KLHDC10: variants seen among roughly 807,000 people sequenced by gnomAD.
KLHDC10 encodes the protein kelch domain-containing protein 10.
KLHDC10 carries 24 observed loss-of-function variants against 56.1 expected under a neutral mutation model. That is an observed-to-expected ratio of 0.43 (90% confidence interval 0.31 to 0.60). The LOEUF is 0.60. KLHDC10 is among the 20% of genes least tolerant of loss of function. The pLI is 0.11. For synonymous variants in KLHDC10, 188 were observed against 207.1 expected (o/e 0.91, Z 0.79); for missense variants, 349 against 567.0 (o/e 0.62, Z 3.91).
At chr7:130,108,629 G>A in intron 2 of KLHDC10, among the ~76,000 whole-genome samples, 1 of 150,760 alleles carries the variant, frequency 6.6e-6, no homozygotes, top group East Asian at 2.0e-4. Context: ...TGCTGAGGTG[G>A]AAGGATCGCT....
intron 2 of KLHDC10, among the ~76,000 whole-genome samples, chr7:130,109,167 A>G (rs13223965): frequency 6.7e-6 from 1 of 150,110 alleles, no homozygotes; most frequent in Non-Finnish European, 1.5e-5. Context: ...TTGGCCTCCC[A>G]CAGTGCTGGG....
chr7:130,129,694 T>C (rs1796370316), intron 9 of KLHDC10, 118 bp downstream of exon 9: 2 of 902,110 alleles, frequency 2.2e-6, no homozygotes, highest in South Asian at 2.1e-5. Flanking sequence ...TAATAACATA[T>C]TTTTAAAACT....
chr7:130,127,387 G>A lies in KLHDC10; in HGVS notation c.932-17G>A, dbSNP rs563649002. 6.2e-7 allele frequency: 1 copy of A among 1,610,482 alleles called. No homozygotes were observed. Among genetic ancestry groups the A allele is most frequent in the African/African-American group, 1.3e-5 (1 of 74,970 alleles). ...TTTCTGTAAGTAATGGAACTTCTGT[G>A]TTTGTGTGTTTGGCAGGCTTTCCTG... On this transcript the variant is annotated splice_polypyrimidine_tract_variant and intron_variant, in intron 7 of 9. Coordinates refer to ENST00000335420, the MANE Select transcript of KLHDC10 (RefSeq NM_014997.4).
Position 130,120,419 on chromosome 7 carries a change from G to T in KLHDC10, c.476-330G>T, listed in dbSNP as rs1433838217. ...TGTATCCCTTATCTGAAATGCTTGG[G>T]ACCAGAAGTGTTTCACATTTCAAAA... On this transcript the variant is annotated intron_variant, in intron 3 of 9. Coordinates refer to ENST00000335420, the MANE Select transcript of KLHDC10 (RefSeq NM_014997.4). This position sits in a 1 kb window ranked among gnomAD's most constrained non-coding sequence, Gnocchi z 5.1. Among the ~76,000 whole-genome samples, 5 of 151,904 alleles carry T rather than the reference G, an allele frequency of 3.3e-5. No homozygotes were observed.
intron 2 of KLHDC10, among the ~76,000 whole-genome samples, chr7:130,103,418 C>CA (rs57094210): frequency 0.27 from 25,329 of 92,476 alleles, 2,858 homozygotes; most frequent in East Asian, 0.37. Context: ...GAGCAAGACT[C>CA]AAAAAAAAAA....
chr7:130,104,785 A>G (rs72607762), intron 2 of KLHDC10, among the ~76,000 whole-genome samples: 22,703 of 152,126 alleles, frequency 0.15, 1,997 homozygotes, highest in East Asian at 0.31. Flanking sequence ...TTAAACAACC[A>G]GATCTTGTGA....
chr7:130,100,137 GA>G (rs560357626), intron 2 of KLHDC10, among the ~76,000 whole-genome samples: 23 of 151,644 alleles, frequency 1.5e-4, no homozygotes, highest in African/African-American at 5.6e-4. Flanking sequence ...GAATTGATTT[GA>G]CATATAAGGA....
rs1796412135 is a variant in KLHDC10 at position 130,132,284 on chromosome 7, C to CT, written c.*1544dup. 1 of 152,154 alleles carries CT rather than the reference C, an allele frequency of 6.6e-6. No homozygotes were observed. 9.4% of individuals were successfully genotyped at this position (152,154 alleles called of 1,614,324 possible). ...GAACACATCTTTCCTTTAAGTGCCT[C>CT]TTTTTTCACCTAGCTTTTAAAGTTA... On this transcript the variant is annotated 3_prime_UTR_variant, in exon 10 of 10. Coordinates refer to ENST00000335420, the MANE Select transcript of KLHDC10 (RefSeq NM_014997.4).
intron 1 of KLHDC10, among the ~76,000 whole-genome samples, chr7:130,090,301 A>G (rs1265993676): frequency 2.0e-5 from 3 of 152,044 alleles, no homozygotes; most frequent in Non-Finnish European, 2.9e-5. Flanking sequence ...TTTAAGAAAT[A>G]ATATTGGCTG....
At chr7:130,104,930 G>A (rs751267419) in intron 2 of KLHDC10, among the ~76,000 whole-genome samples, 3 of 152,120 alleles carry the variant, frequency 2.0e-5, no homozygotes, top group Non-Finnish European at 4.4e-5. Context: ...AGATTTGGGC[G>A]GGGACACAGA....
At chr7:130,091,371 G>A (rs1795770807) in intron 1 of KLHDC10, among the ~76,000 whole-genome samples, 1 of 152,052 alleles carries the variant, frequency 6.6e-6, no homozygotes, top group South Asian at 2.1e-4. Context: ...AAACACTTTG[G>A]CAACTACTGT....
rs57061414 is a variant in KLHDC10 at position 130,090,767 on chromosome 7, C to CGTGTGTGTGTGT, written c.167-6137_167-6126dup. The stretch of plus-strand genomic sequence containing the variant: ...AGATTTCATCAGTTTTACACATACT[C>CGTGTGTGTGTGT]GTGTGTGTGTGTGTGTGTGTGTGTG... On this transcript the variant is annotated intron_variant, in intron 1 of 9. Transcript: ENST00000335420. Among the ~76,000 whole-genome samples, 1,102 of 148,248 alleles carry CGTGTGTGTGTGT rather than the reference C, an allele frequency of 7.4e-3. 4 individuals are homozygous for CGTGTGTGTGTGT. Among genetic ancestry groups the CGTGTGTGTGTGT allele is most frequent in the Non-Finnish European group, 0.011 (746 of 67,138 alleles).
chr7:130,073,245 A>G (rs980580660), intron 1 of KLHDC10, among the ~76,000 whole-genome samples: 2 of 151,080 alleles, frequency 1.3e-5, no homozygotes, highest in Non-Finnish European at 2.9e-5. Context: ...ACAAAAAACT[A>G]TAGTATAGCT....
intron 2 of KLHDC10, among the ~76,000 whole-genome samples, chr7:130,113,739 G>C (rs76394164): frequency 1.3e-5 from 2 of 152,152 alleles, no homozygotes; most frequent in Admixed American, 6.5e-5. Context: ...GAGATAGTTG[G>C]CAATAAACTT....
intron 1 of KLHDC10, among the ~76,000 whole-genome samples, chr7:130,073,058 A>T (rs1307122079): frequency 1.3e-5 from 2 of 150,894 alleles, no homozygotes; most frequent in African/African-American, 2.4e-5. Context: ...GCCCAGCCAA[A>T]TTTTTTATTT....
At chr7:130,086,836 A>G (rs1795698093) in intron 1 of KLHDC10, among the ~76,000 whole-genome samples, 1 of 152,220 alleles carries the variant, frequency 6.6e-6, no homozygotes. Context: ...GCCTTTTAAT[A>G]TCTGTGTTTT....
intron 1 of KLHDC10, among the ~76,000 whole-genome samples, chr7:130,088,012 C>T (rs1460339850): frequency 3.3e-5 from 5 of 151,890 alleles, no homozygotes; most frequent in Admixed American, 6.6e-5. Flanking sequence ...CCACCTGCCT[C>T]GGCCTCACAA....
chr7:130,114,340 A>G (rs1796140035), intron 2 of KLHDC10, among the ~76,000 whole-genome samples: 1 of 152,210 alleles, frequency 6.6e-6, no homozygotes, highest in African/African-American at 2.4e-5. Context: ...GGTAAATACA[A>G]ATGTATTCCT....
intron 1 of KLHDC10, among the ~76,000 whole-genome samples, chr7:130,088,518 C>T (rs531099957): frequency 2.6e-5 from 4 of 152,094 alleles, no homozygotes; most frequent in East Asian, 1.9e-4. Context: ...TCGAGTGACC[C>T]ACCTTCCTCA....
Sources: gnomAD v4.1 joint callset for allele counts (sites outside exome capture counted in the v4.1 genomes callset) on GRCh38, gnomAD v4.1.1 for gene constraint, Gnocchi (gnomAD v3.1) non-coding constraint, MANE v1.5 for transcripts, NCBI Gene and HGNC (gene_info 2026-07-23, HGNC 2026-07-21) for gene names.